The following SERPINB4 variants were observed in gnomAD, a reference collection of about 807,000 sequenced individuals.
The protein encoded by SERPINB4 is serpin family B member 4, also known as serpin B4.
SERPINB4 carries 39 observed loss-of-function variants against 33.2 expected under a neutral mutation model. The observed-to-expected ratio is 1.18, with a 90% CI of 0.91 to 1.53. The LOEUF is 1.53. Among genes scored for constraint, SERPINB4 ranks in the 40% most tolerant of loss-of-function variants. The probability of loss-of-function intolerance (pLI) is 0.00; values close to 1 mark genes in which losing one functional copy is unlikely to be tolerated. For synonymous variants in SERPINB4, 191 were observed against 166.4 expected (o/e 1.15, Z -1.14); for missense variants, 564 against 455.4 (o/e 1.24, Z -2.17).
chr18:63,640,158 G>T (rs535599276), intron 5 of SERPINB4, among the ~76,000 whole-genome samples: 80 of 151,564 alleles, frequency 5.3e-4, no homozygotes, highest in African/African-American at 1.9e-3. Context: ...TTAACTACGG[G>T]GTCCCCATTC....
At chr18:63,639,095 C>G in intron 7 of SERPINB4, 90 bp downstream of exon 7, 2 of 1,388,724 alleles carry the variant, frequency 1.4e-6, no homozygotes, top group Non-Finnish European at 1.9e-6. Flanking sequence ...TTTGAGGCAA[C>G]TCGGTCATAA....
In SERPINB4 at chr18:63,637,840, A is replaced by T; in HGVS notation, c.1052T>A (p.Val351Glu). The change falls in exon 8 of 8, where the codon GTA (valine) becomes GAA (glutamate). Residue 351 changes from valine to glutamate, a missense_variant. Transcript: ENST00000341074. ...VEAAAATAVV[V>E]VELSSPSTNE... ...AGTTGAAGGAGATGATAATTCGACT[A>T]CTACTACAGCGGTGGCAGCTGCAGC... 1 of 1,613,558 alleles carries T rather than the reference A, an allele frequency of 6.2e-7. No homozygotes were observed. The highest frequency in any genetic ancestry group is 8.5e-7 in the Non-Finnish European group (1 of 1,179,710).
At chr18:63,641,549 G>T (rs1445817670) in intron 4 of SERPINB4, among the ~76,000 whole-genome samples, 3 of 152,002 alleles carry the variant, frequency 2.0e-5, no homozygotes, top group Admixed American at 1.3e-4. Context: ...TTTATCACAA[G>T]ATTATCCCTA....
At position 63,639,063 on chromosome 18, in the gene SERPINB4, C is replaced by T. The variant is rs566002629; in HGVS notation, c.768+122G>A. ...GTAATATGAAGGTGAGTCATCATTC[C>T]TCATTTAGAATTTTTCATCATTTTG... On this transcript the variant is annotated intron_variant, in intron 7 of 7. Coordinates refer to ENST00000341074, the MANE Select transcript of SERPINB4 (RefSeq NM_002974.4). The T allele has an allele frequency of 1.6e-4, 190 of 1,183,552 alleles. No individual in the cohort carries two copies. The African/African-American group carries it at 2.7e-3, about 17-fold the overall frequency. The allele number at this position is 1,183,552 out of a possible 1,614,324, so 73.3% of individuals were successfully genotyped here.
At chr18:63,641,659 T>G in intron 4 of SERPINB4, 101 bp downstream of exon 4, 3 of 1,579,756 alleles carry the variant, frequency 1.9e-6, no homozygotes, top group Non-Finnish European at 2.6e-6. Flanking sequence ...GCTCTCCACC[T>G]GAGTCGGCCA....
chr18:63,639,368 T>C, intron 6 of SERPINB4, 28 bp from the exon 7 acceptor site: 1 of 1,579,444 alleles, frequency 6.3e-7, no homozygotes, highest in Non-Finnish European at 8.6e-7. Flanking sequence ...GTCCAACAAA[T>C]AACACGTGAA....
chr18:63,639,693 G>C lies in SERPINB4; in HGVS notation c.553C>G (p.Gln185Glu), dbSNP rs368467571. 5.0e-6 allele frequency: 8 copies of C among 1,611,218 alleles called. No homozygotes were observed. In the African/African-American group the frequency reaches 1.1e-4, roughly 22 times the overall value. The change falls in exon 6 of 8, where the codon CAG becomes GAG. Residue 185 changes from glutamine to glutamate, a missense_variant. Transcript: ENST00000341074. ...TCTTTTTTAAATTTATTCTCCCACTGCCCTTTGAAATAGATTGCGTTCACA... is the reference window on the plus strand; with the variant it reads ...TCTTTTTTAAATTTATTCTCCCACTCCCCTTTGAAATAGATTGCGTTCACA... ...VLVNAIYFKG[Q>E]WENKFKKENT...
rs374007328 is a variant in SERPINB4 at position 63,639,187 on chromosome 18, T to G, written c.766A>C (p.Lys256Gln). 2 of 1,607,372 alleles carry G rather than the reference T, an allele frequency of 1.2e-6. No homozygotes were observed. Among genetic ancestry groups the G allele is most frequent in the South Asian group, 1.1e-5 (1 of 90,208 alleles). Reference sequence around the variant, plus strand: ...GAGTTGTAGATGCAAGTTCTTACCTTCTGCAGACCATCGATTTCATTTGGC... The same window carrying G: ...GAGTTGTAGATGCAAGTTCTTACCTGCTGCAGACCATCGATTTCATTTGGC... The part of the protein sequence containing the change: ...LLPNEIDGLQ[K>Q]LEEKLTAEKL... Residue 256 changes from lysine to glutamine, a missense_variant and splice_region_variant, in exon 7 of 8, where the codon AAG (lysine) becomes CAG (glutamine). Coordinates refer to ENST00000341074, the MANE Select transcript of SERPINB4 (RefSeq NM_002974.4).
rs778590659 is a variant in SERPINB4 at position 63,637,853 on chromosome 18, T to C, written c.1039A>G (p.Thr347Ala). 4 of 1,613,542 alleles carry C rather than the reference T, an allele frequency of 2.5e-6. No individual in the cohort carries two copies. Among genetic ancestry groups the C allele is most frequent in the South Asian group, 1.1e-5 (1 of 91,078 alleles). Residue 347 changes from threonine to alanine, a missense_variant, in exon 8 of 8, where the codon ACC (threonine) becomes GCC (alanine). By Grantham distance (58) the Thr-to-Ala change is moderately conservative. Transcript: ENST00000341074. Reference protein sequence around the residue: ...TEEGVEAAAATAVVVVELSSP... With the variant: ...TEEGVEAAAAAAVVVVELSSP... Reference sequence around the variant, plus strand: ...GATAATTCGACTACTACTACAGCGGTGGCAGCTGCAGCTTCCACTCCCTCC... The same window carrying C: ...GATAATTCGACTACTACTACAGCGGCGGCAGCTGCAGCTTCCACTCCCTCC...
At chr18:63,644,131 C>T (rs1383267974) in intron 1 of SERPINB4, 78 bp downstream of exon 1, 1 of 154,836 alleles carries the variant, frequency 6.5e-6, no homozygotes, top group Non-Finnish European at 1.4e-5. Flanking sequence ...GCAGGAGATG[C>T]ATGATATAGA....
Position 63,640,916 on chromosome 18 carries a change from T to A in SERPINB4, c.427A>T (p.Ser143Cys). 6.2e-7 allele frequency: 1 copy of A among 1,612,944 alleles called. No individual in the cohort carries two copies. Among genetic ancestry groups the A allele is most frequent in the Non-Finnish European group, 8.5e-7 (1 of 1,179,310 alleles). Reference protein sequence around the residue: ...STDFANAPEESRKKINSWVES... With the variant: ...STDFANAPEECRKKINSWVES... ...ACCCAGGAGTTAATCTTCTTTCGACTTTCTTCTGGAGCATTTGCAAAATCA... is the reference window on the plus strand; with the variant it reads ...ACCCAGGAGTTAATCTTCTTTCGACATTCTTCTGGAGCATTTGCAAAATCA... Residue 143 changes from serine (S) to cysteine (C), a missense_variant, in exon 5 of 8, where the codon AGT (serine) becomes TGT (cysteine). Coordinates refer to ENST00000341074, the MANE Select transcript of SERPINB4 (RefSeq NM_002974.4).
chr18:63,642,492 A>G (rs952072236), intron 3 of SERPINB4, among the ~76,000 whole-genome samples: 1 of 152,080 alleles, frequency 6.6e-6, no homozygotes, highest in African/African-American at 2.4e-5. Flanking sequence ...ATGGGGAAAA[A>G]AACCCTGTTT....
chr18:63,643,074 G>A (rs1913189054), intron 3 of SERPINB4, 87 bp downstream of exon 3: 1 of 1,546,264 alleles, frequency 6.5e-7, no homozygotes, highest in Non-Finnish European at 8.9e-7. Context: ...CCTAAAACTG[G>A]CCTTTTCTTA....
intron 5 of SERPINB4, among the ~76,000 whole-genome samples, chr18:63,640,485 C>T (rs1162596526): frequency 1.4e-4 from 22 of 152,018 alleles, no homozygotes; most frequent in Admixed American, 1.4e-3. Context: ...CTGCTTGTTT[C>T]CCAATTAGTA....
rs192949139 is a variant in SERPINB4 at position 63,637,811 on chromosome 18, C to T, written c.1081G>A (p.Glu361Lys). The T allele has an allele frequency of 9.3e-6, 15 of 1,613,454 alleles. No individual in the cohort carries two copies. In the East Asian group the frequency reaches 2.2e-4, roughly 24 times the overall value. The change falls in exon 8 of 8, where the codon GAA (glutamate) becomes AAA (lysine). Residue 361 changes from glutamate (E) to lysine (K), a missense_variant. Coordinates refer to ENST00000341074, the MANE Select transcript of SERPINB4 (RefSeq NM_002974.4). ...VVELSSPSTN[E>K]EFCCNHPFLF... ...AAAGGGTGATTACAACAGAACTCTT[C>T]ATTAGTTGAAGGAGATGATAATTCG... is the stretch of plus-strand genomic sequence containing the variant.
rs375875416 is a variant in SERPINB4 at position 63,643,473 on chromosome 18, T to C, written c.105A>G (p.Thr35=). 6 of 1,613,620 alleles carry C rather than the reference T, an allele frequency of 3.7e-6. No homozygotes were observed. The African/African-American group carries it at 4.0e-5, about 11-fold the overall frequency. The part of the protein sequence containing the change: ...NNIFYSPISI[T]SALGMVLLGA... Reference sequence around the variant, plus strand: ...CTAAGAGGACCATCCCTAATGCTGATGTGATGCTGATAGGGGAATAGAAGA... The same window carrying C: ...CTAAGAGGACCATCCCTAATGCTGACGTGATGCTGATAGGGGAATAGAAGA... Residue 35 remains threonine, a synonymous_variant, in exon 2 of 8, where the codon ACA becomes ACG. Coordinates refer to ENST00000341074, the MANE Select transcript of SERPINB4 (RefSeq NM_002974.4).
At chr18:63,640,349 G>C (rs1913085121) in intron 5 of SERPINB4, among the ~76,000 whole-genome samples, 1 of 151,988 alleles carries the variant, frequency 6.6e-6, no homozygotes, top group Admixed American at 6.6e-5. Context: ...CTGTAGAATG[G>C]AGACTTTGTC....
chr18:63,637,723 G>T lies in SERPINB4; in HGVS notation c.1169C>A (p.Pro390Gln). Residue 390 changes from proline to glutamine, a missense_variant, in exon 8 of 8, where the codon CCA (proline) becomes CAA (glutamine). Physicochemically the swap from Pro to Gln is moderately conservative, Grantham distance 76. Coordinates refer to ENST00000341074, the MANE Select transcript of SERPINB4 (RefSeq NM_002974.4). Reference protein sequence around the residue: ...SILFYGRFSSP With the variant: ...SILFYGRFSSQ ...GGAGTGACAGACTAATTGCATCTAT[G>T]GGGATGAGAATCTGCCATAGAAGAG... 1 of 1,601,742 alleles carries T rather than the reference G, an allele frequency of 6.2e-7. No individual in the cohort carries two copies. Among genetic ancestry groups the T allele is most frequent in the Non-Finnish European group, 8.5e-7 (1 of 1,173,526 alleles).
At position 63,641,878 on chromosome 18, in the gene SERPINB4, G is replaced by C; in HGVS notation, c.233C>G (p.Ser78Ter). 6.2e-7 allele frequency: 1 copy of C among 1,613,180 alleles called. No individual in the cohort carries two copies. Among genetic ancestry groups the C allele is most frequent in the Non-Finnish European group, 8.5e-7 (1 of 1,179,420 alleles). ...EKAATYHVDR[S>*]GNVHHQFQKL... Reference sequence around the variant, plus strand: ...TTGAAACTGGTGATGAACATTTCCTGACCTATCAACCTTCAAACATCAAAA... The same window carrying C: ...TTGAAACTGGTGATGAACATTTCCTCACCTATCAACCTTCAAACATCAAAA... Residue 78 changes from serine (S) to a stop codon, truncating the protein, a stop_gained, in exon 4 of 8, where the codon TCA (serine) becomes TGA (stop). Transcript: ENST00000341074. LOFTEE classifies it high-confidence loss of function.
Sources: allele counts gnomAD v4.1 joint callset (sites outside exome capture counted in the v4.1 genomes callset), GRCh38; gene constraint gnomAD v4.1.1; transcripts MANE v1.5; gene names NCBI Gene and HGNC (gene_info 2026-07-23, HGNC 2026-07-21).